YTHDC2: variants seen among roughly 807,000 people sequenced by gnomAD.
The protein encoded by YTHDC2 is 3'-5' RNA helicase YTHDC2.
YTHDC2 carries 45 observed loss-of-function variants against 174.9 expected under a neutral mutation model. The observed-to-expected ratio is 0.26, with a 90% confidence interval of 0.20 to 0.33. The LOEUF (loss-of-function observed/expected upper bound fraction) is 0.33. Ranked by LOEUF, YTHDC2 falls within the 10% of genes least tolerant of loss-of-function variation. The probability of loss-of-function intolerance (pLI) is 1.00; values close to 1 mark genes in which losing one functional copy is unlikely to be tolerated. For missense variants in YTHDC2, 1,650 were observed against 1,723.7 expected (o/e 0.96, Z 0.76); for synonymous variants, 657 against 574.5 (o/e 1.14, Z -2.05).
At chr5:113,568,538 C>G (rs1777504578) in intron 23 of YTHDC2, among the ~76,000 whole-genome samples, 1 of 152,116 alleles carries the variant, frequency 6.6e-6, no homozygotes, top group Non-Finnish European at 1.5e-5. Context: ...CACACACCCC[C>G]AGTAGGCCCC....
In YTHDC2 at chr5:113,542,348, A is replaced by G. The variant is rs745664887; in HGVS notation, c.1360-20A>G. The G allele has an allele frequency of 1.9e-6, 3 of 1,601,782 alleles. No homozygotes were observed. The Admixed American group carries it at 5.3e-5, about 28-fold the overall frequency. On this transcript the variant is annotated intron_variant, in intron 9 of 29. Transcript: ENST00000161863. ...GTTAGGTAATTTATGATAATTTATG[A>G]TTTTTACTGTTTTTTGTAGACTGAA...
intron 2 of YTHDC2, among the ~76,000 whole-genome samples, chr5:113,515,882 G>C (rs992789184): frequency 6.6e-6 from 1 of 152,186 alleles, no homozygotes; most frequent in Non-Finnish European, 1.5e-5. Flanking sequence ...CTTTTAGCAA[G>C]GTTGGTTATG....
chr5:113,548,636 G>A lies in YTHDC2; in HGVS notation c.1591G>A (p.Ala531Thr), dbSNP rs1164789416. Residue 531 changes from alanine to threonine, a missense_variant, in exon 11 of 30, where the codon GCC (alanine) becomes ACC (threonine). Ala to Thr is a moderately conservative substitution (Grantham distance 58). This residue lies in a region of YTHDC2 where 411 missense variants were observed against 380.6 expected (regional missense o/e 1.08). Coordinates refer to ENST00000161863, the MANE Select transcript of YTHDC2 (RefSeq NM_022828.5). ...SQVEQLISMGANVHSKASNGW... is the reference protein window; with the variant it reads ...SQVEQLISMGTNVHSKASNGW... Reference sequence around the variant, plus strand: ...AGTAGAACAGTTAATCAGTATGGGAGCCAATGTCCATAGTAAAGCATCAAA... The same window carrying A: ...AGTAGAACAGTTAATCAGTATGGGAACCAATGTCCATAGTAAAGCATCAAA... 6.2e-7 allele frequency: 1 copy of A among 1,612,736 alleles called. No individual in the cohort carries two copies. The highest frequency in any genetic ancestry group is 1.7e-5 in the Admixed American group (1 of 59,680).
chr5:113,560,345 G>A (rs529359174), intron 17 of YTHDC2, among the ~76,000 whole-genome samples: 75 of 152,272 alleles, frequency 4.9e-4, no homozygotes, highest in African/African-American at 1.6e-3. Flanking sequence ...GAACTTAATG[G>A]TTGAGAAATT....
intron 26 of YTHDC2, among the ~76,000 whole-genome samples, chr5:113,588,554 A>G (rs1033463714): frequency 4.6e-5 from 7 of 151,874 alleles, no homozygotes; most frequent in African/African-American, 1.7e-4. Context: ...TAGAATTGGT[A>G]TTATTTCTTC....
At position 113,595,224 on chromosome 5, in the gene YTHDC2, A is replaced by T. The variant is rs1449703026; in HGVS notation, c.*1750A>T. ...AATGAATACAACTTGAATGTAATTA[A>T]AGTGCTGTTTTTTGGAAGCGATAAA... On this transcript the variant is annotated 3_prime_UTR_variant, in exon 30 of 30. Coordinates refer to ENST00000161863, the MANE Select transcript of YTHDC2 (RefSeq NM_022828.5). 1.3e-5 allele frequency: 2 copies of T among 152,136 alleles called. No individual in the cohort carries two copies. Among genetic ancestry groups the T allele is most frequent in the East Asian group, 3.8e-4 (2 of 5,200 alleles). 9.4% of individuals were successfully genotyped at this position (152,136 alleles called of 1,614,324 possible).
chr5:113,564,058 C>T lies in YTHDC2; in HGVS notation c.2642C>T (p.Ala881Val). Residue 881 changes from alanine to valine, a missense_variant, in exon 20 of 30, where the codon GCA becomes GTA. Transcript: ENST00000161863. ...CCTACTCAGGCCTCTCAAAAACGTGCAGCTATGCTTTGTAGGAAACGTTTT... is the reference window on the plus strand; with the variant it reads ...CCTACTCAGGCCTCTCAAAAACGTGTAGCTATGCTTTGTAGGAAACGTTTT... The part of the protein sequence containing the change: ...VLPTQASQKR[A>V]AMLCRKRFTA... 1 of 1,614,124 alleles carries T rather than the reference C, an allele frequency of 6.2e-7. No individual in the cohort carries two copies. The highest frequency in any genetic ancestry group is 8.5e-7 in the Non-Finnish European group (1 of 1,180,014).
At chr5:113,524,034 T>G (rs187341412) in intron 2 of YTHDC2, among the ~76,000 whole-genome samples, 81 of 152,264 alleles carry the variant, frequency 5.3e-4, no homozygotes, top group Non-Finnish European at 9.4e-4. Context: ...TACTGCACTT[T>G]GCATGTATTA....
At position 113,526,826 on chromosome 5, in the gene YTHDC2, A is replaced by AATAT. The variant is rs753695226; in HGVS notation, c.675+61_675+64dup. On this transcript the variant is annotated intron_variant, in intron 4 of 29. Coordinates refer to ENST00000161863, the MANE Select transcript of YTHDC2 (RefSeq NM_022828.5). ...GTTGTTTATAGAAAAAAAAAAAAAAAATATATATATATATATATATATAGT... is the reference window on the plus strand; with the variant it reads ...GTTGTTTATAGAAAAAAAAAAAAAAAATATATATATATATATATATATATATAGT... 776 of 146,022 alleles carry AATAT rather than the reference A, an allele frequency of 5.3e-3. 4 individuals carry two copies. Among genetic ancestry groups the AATAT allele is most frequent in the Admixed American group, 0.011 (85 of 7,420 alleles). 9.0% of individuals were successfully genotyped at this position (146,022 alleles called of 1,614,324 possible). A position where few individuals can be genotyped will look rare whatever the true frequency, so the allele number is the denominator to read the frequency against.
chr5:113,514,934 A>T (rs1773298354), intron 1 of YTHDC2, among the ~76,000 whole-genome samples: 1 of 152,236 alleles, frequency 6.6e-6, no homozygotes, highest in Non-Finnish European at 1.5e-5. Flanking sequence ...GGACCAAGTT[A>T]AATATGTTCA....
intron 12 of YTHDC2, among the ~76,000 whole-genome samples, 192 bp from the exon 13 acceptor site, chr5:113,552,989 T>C (rs1776349132): frequency 1.3e-5 from 2 of 152,052 alleles, no homozygotes; most frequent in African/African-American, 4.8e-5. Context: ...GATTGTGCTT[T>C]TCTAAAAGCA....
chr5:113,521,040 T>C (rs1773829844), intron 2 of YTHDC2, among the ~76,000 whole-genome samples: 1 of 152,242 alleles, frequency 6.6e-6, no homozygotes, highest in Non-Finnish European at 1.5e-5. Flanking sequence ...TGGGTTAGTT[T>C]GCTAAGGATA....
At position 113,555,169 on chromosome 5, in the gene YTHDC2, T is replaced by A. The variant is rs538727718; in HGVS notation, c.2134-883T>A. Among the ~76,000 whole-genome samples, 16 of 152,038 alleles carry A rather than the reference T, an allele frequency of 1.1e-4. No homozygotes were observed. The South Asian group carries it at 3.1e-3, about 30-fold the overall frequency. ...AATTACCTAAAGTGGATAAAGTGGG[T>A]TTTGAATATTTTAGAAAGTTCCTTT... On this transcript the variant is annotated intron_variant, in intron 16 of 29. Coordinates refer to ENST00000161863, the MANE Select transcript of YTHDC2 (RefSeq NM_022828.5).
At chr5:113,529,475 TA>T (rs1476297607) in intron 4 of YTHDC2, among the ~76,000 whole-genome samples, 2 of 152,170 alleles carry the variant, frequency 1.3e-5, no homozygotes, top group Non-Finnish European at 2.9e-5. Flanking sequence ...TCCATCACTC[TA>T]AAAAAGAGTT....
intron 2 of YTHDC2, chr5:113,517,687 C>T: frequency 7.4e-6 from 3 of 404,294 alleles, no homozygotes; most frequent in South Asian, 3.6e-5. Flanking sequence ...ACCCTAGCTC[C>T]TTCTCTCTTT....
intron 21 of YTHDC2, 110 bp from the exon 22 acceptor site, chr5:113,566,982 T>C (rs756018790): frequency 4.3e-5 from 53 of 1,224,536 alleles, no homozygotes; most frequent in Non-Finnish European, 5.7e-5. Context: ...TTAATTATCG[T>C]GAAATTTGAA....
intron 12 of YTHDC2, 30 bp from the exon 13 acceptor site, chr5:113,553,151 C>G: frequency 7.4e-7 from 1 of 1,356,232 alleles, no homozygotes. Context: ...TGGAAATTGA[C>G]TTTGTCTTTT....
intron 23 of YTHDC2, among the ~76,000 whole-genome samples, chr5:113,570,690 G>A (rs987947007): frequency 9.2e-5 from 14 of 151,686 alleles, no homozygotes; most frequent in East Asian, 5.9e-4. Flanking sequence ...TCACTTTGCC[G>A]CCCAGGTTGG....
chr5:113,519,653 G>C (rs560960060), intron 2 of YTHDC2, among the ~76,000 whole-genome samples: 7 of 152,254 alleles, frequency 4.6e-5, no homozygotes, highest in African/African-American at 1.4e-4. Context: ...AGGTCCCATG[G>C]ACTTAAAATC....
Sources: allele counts gnomAD v4.1 joint callset (sites outside exome capture counted in the v4.1 genomes callset), GRCh38; gene constraint gnomAD v4.1.1; regional missense constraint gnomAD v4.1.1; transcripts MANE v1.5; gene names NCBI Gene and HGNC (gene_info 2026-07-23, HGNC 2026-07-21).